Variants in RGPD6 observed in about 807,000 individuals in gnomAD.
RGPD6 encodes the protein RANBP2-like and GRIP domain-containing protein 5/6.
chr2:110,598,766 TA>T, the RGPD6 span, among the ~76,000 whole-genome samples: 1 of 133,236 alleles, frequency 7.5e-6, no homozygotes, highest in Admixed American at 7.7e-5. Flanking sequence ...CTAGAAATAA[TA>T]AAAAAATGCA....
chr2:110,609,409 G>A, the RGPD6 span, among the ~76,000 whole-genome samples: 1 of 132,172 alleles, frequency 7.6e-6, no homozygotes, highest in East Asian at 2.1e-4. Flanking sequence ...ATAAGAAACC[G>A]TTCGATAATG....
chr2:110,596,917 C>T, the RGPD6 span, among the ~76,000 whole-genome samples: 1 of 133,808 alleles, frequency 7.5e-6, no homozygotes, highest in Non-Finnish European at 1.5e-5. Context: ...CATTTACATA[C>T]ATATATATAT....
At chr2:110,591,640 T>C in the RGPD6 span, among the ~76,000 whole-genome samples, 1 of 151,654 alleles carries the variant, frequency 6.6e-6, no homozygotes, top group Non-Finnish European at 1.5e-5. Flanking sequence ...TGCACCCCTG[T>C]CCCCAAAGGC....
chr2:110,592,611 T>TA, the RGPD6 span, among the ~76,000 whole-genome samples: 7 of 125,026 alleles, frequency 5.6e-5, no homozygotes, highest in Admixed American at 4.0e-4. Flanking sequence ...TGAAACCCAG[T>TA]CTCTACTAAA....
At chr2:110,605,475 T>C in the RGPD6 span, among the ~76,000 whole-genome samples, 7 of 150,788 alleles carry the variant, frequency 4.6e-5, no homozygotes, top group Admixed American at 1.3e-4. Context: ...TTCTTTGTAC[T>C]CTGTTTTGAC....
chr2:110,591,565 T>C, the RGPD6 span, among the ~76,000 whole-genome samples: 1 of 148,806 alleles, frequency 6.7e-6, no homozygotes, highest in African/African-American at 2.6e-5. Flanking sequence ...GAGAGTCACA[T>C]GACGTAAAAC....
At chr2:110,603,560 G>A in the RGPD6 span, among the ~76,000 whole-genome samples, 1 of 20,174 alleles carries the variant, frequency 5.0e-5, no homozygotes, top group Non-Finnish European at 1.2e-4. Context: ...AATTGCAGAG[G>A]AAAAATACAC....
At chr2:110,610,219 A>G in the RGPD6 span, among the ~76,000 whole-genome samples, 1 of 119,076 alleles carries the variant, frequency 8.4e-6, no homozygotes, top group African/African-American at 3.3e-5. Context: ...TGGGTGGGAG[A>G]GACAGAAAGG....
the RGPD6 span, among the ~76,000 whole-genome samples, chr2:110,600,093 G>A: frequency 3.3e-5 from 5 of 151,822 alleles, no homozygotes; most frequent in East Asian, 1.9e-4. Context: ...GTATGCCGCC[G>A]CACGTGATGA....
At chr2:110,591,364 A>G in the RGPD6 span, among the ~76,000 whole-genome samples, 2 of 150,904 alleles carry the variant, frequency 1.3e-5, no homozygotes, top group African/African-American at 2.5e-5. Flanking sequence ...GATAAACTAA[A>G]GAAAAATATC....
chr2:110,608,306 A>G, the RGPD6 span, among the ~76,000 whole-genome samples: 88 of 146,120 alleles, frequency 6.0e-4, 7 homozygotes, highest in Non-Finnish European at 1.5e-4. Context: ...GACCTCAGTA[A>G]AGTCATTTAA....
At chr2:110,597,234 C>G in the RGPD6 span, among the ~76,000 whole-genome samples, 106 of 20,162 alleles carry the variant, frequency 5.3e-3, no homozygotes, top group South Asian at 0.095. Context: ...TCAGGTGATC[C>G]ACCCACCTCG....
In RGPD6 at chr2:110,576,892, C is replaced by CCGCCGCCG. The variant is rs1491167413; in HGVS notation, c.72+60_72+61insCGGCGGCG. 3 of 547,762 alleles carry CCGCCGCCG rather than the reference C, an allele frequency of 5.5e-6. 1 individual carries two copies. Among genetic ancestry groups the CCGCCGCCG allele is most frequent in the African/African-American group, 1.0e-4 (2 of 19,674 alleles). 33.9% of individuals were successfully genotyped at this position (547,762 alleles called of 1,614,324 possible). ...GCCATCGAGGCGGCCGCCGCCGCCG[C>CCGCCGCCG]CCCCCCCCTCCCCCCCCGGCCGGGT... On this transcript the variant is annotated intron_variant, in intron 1 of 22. Coordinates refer to ENST00000329516, the MANE Select transcript of RGPD6 (RefSeq NM_001123363.4).
At chr2:110,603,937 A>G in the RGPD6 span, among the ~76,000 whole-genome samples, 1 of 150,848 alleles carries the variant, frequency 6.6e-6, no homozygotes, top group Non-Finnish European at 1.5e-5. Context: ...TCTTACTCTG[A>G]CATAAACACT....
chr2:110,594,120 T>C, the RGPD6 span, among the ~76,000 whole-genome samples: 251 of 146,986 alleles, frequency 1.7e-3, 3 homozygotes, highest in African/African-American at 5.6e-3. Context: ...TTAAAGTATA[T>C]AAAAGTATAT....
the RGPD6 span, among the ~76,000 whole-genome samples, chr2:110,607,296 T>G: frequency 6.6e-6 from 1 of 151,780 alleles, no homozygotes; most frequent in African/African-American, 2.4e-5. Flanking sequence ...CTTCACCTTT[T>G]TCCAAGTTCT....
At chr2:110,592,994 C>T in the RGPD6 span, among the ~76,000 whole-genome samples, 1 of 147,314 alleles carries the variant, frequency 6.8e-6, no homozygotes, top group Non-Finnish European at 1.5e-5. Flanking sequence ...CTGGAGTTGT[C>T]CAATGCCTGG....
At chr2:110,593,440 A>AT in the RGPD6 span, among the ~76,000 whole-genome samples, 3 of 144,888 alleles carry the variant, frequency 2.1e-5, no homozygotes, top group African/African-American at 8.3e-5. Flanking sequence ...CACAAGCCCC[A>AT]TCACATCCAA....
At chr2:110,607,481 G>T in the RGPD6 span, among the ~76,000 whole-genome samples, 1 of 148,078 alleles carries the variant, frequency 6.8e-6, no homozygotes, top group Non-Finnish European at 1.5e-5. Flanking sequence ...GGAAGAGCGT[G>T]CAAGAAGGCA....
Sources: allele counts gnomAD v4.1 joint callset (sites outside exome capture counted in the v4.1 genomes callset), GRCh38; gene constraint gnomAD v4.1.1; transcripts MANE v1.5; gene names NCBI Gene and HGNC (gene_info 2026-07-23, HGNC 2026-07-21).